The following SRGAP1 variants were observed in gnomAD, a reference collection of about 807,000 sequenced individuals.
SRGAP1 encodes SLIT-ROBO Rho GTPase-activating protein 1.
SRGAP1 carries 43 observed loss-of-function variants against 121.9 expected under a neutral mutation model. The observed-to-expected ratio is 0.35, with a 90% confidence interval of 0.28 to 0.46. The LOEUF (loss-of-function observed/expected upper bound fraction) is 0.46. SRGAP1 is among the 20% of genes least tolerant of loss of function. The probability of loss-of-function intolerance (pLI) is 1.00; values close to 1 mark genes in which losing one functional copy is unlikely to be tolerated. For missense variants in SRGAP1, 1,102 were observed against 1,350.9 expected (o/e 0.82, Z 2.89); for synonymous variants, 447 against 485.4 (o/e 0.92, Z 1.04).
At position 63,989,985 on chromosome 12, in the gene SRGAP1, C is replaced by T; in HGVS notation, c.339C>T (p.Asp113=). The change falls in exon 3 of 22, where the codon GAC becomes GAT. Residue 113 remains aspartate (D), a synonymous_variant. Transcript: ENST00000355086. Reference sequence around the variant, plus strand: ...ACCAAGTAAGGAGAGAAAGCAAAGACCATGCAACCTTGAGTGACATCTATC... The same window carrying T: ...ACCAAGTAAGGAGAGAAAGCAAAGATCATGCAACCTTGAGTGACATCTATC... The part of the protein sequence containing the change: ...LLNQVRRESK[D]HATLSDIYLN... 5.6e-6 allele frequency: 9 copies of T among 1,613,784 alleles called. No individual in the cohort carries two copies. The highest frequency in any genetic ancestry group is 1.3e-5 in the African/African-American group (1 of 75,016).
intron 4 of SRGAP1, among the ~76,000 whole-genome samples, chr12:64,025,675 C>T (rs2034638115): frequency 6.6e-6 from 1 of 152,114 alleles, no homozygotes; most frequent in South Asian, 2.1e-4. Flanking sequence ...TAAAAACACT[C>T]TATTTAGGGA....
At chr12:63,948,889 TATATATTCC>T (rs1397075116) in intron 1 of SRGAP1, among the ~76,000 whole-genome samples, 2 of 90,854 alleles carry the variant, frequency 2.2e-5, no homozygotes, top group Non-Finnish European at 4.8e-5. Flanking sequence ...TTTCCATATA[TATATATTCC>T]ATATATATAT....
At chr12:63,872,586 G>C (rs948951981) in intron 1 of SRGAP1, among the ~76,000 whole-genome samples, 1 of 152,148 alleles carries the variant, frequency 6.6e-6, no homozygotes. Flanking sequence ...ATTTGATTCT[G>C]GGTCACTGGT....
chr12:63,845,859 A>G (rs933686135), intron 1 of SRGAP1, among the ~76,000 whole-genome samples: 12 of 152,190 alleles, frequency 7.9e-5, no homozygotes, highest in African/African-American at 2.9e-4. Context: ...AAAGATTGCT[A>G]TGTATACACC....
At chr12:63,907,472 A>G (rs978673692) in intron 1 of SRGAP1, among the ~76,000 whole-genome samples, 3 of 152,080 alleles carry the variant, frequency 2.0e-5, no homozygotes, top group African/African-American at 7.2e-5. Flanking sequence ...TGGGAGGTGG[A>G]GGTTGCAGTG....
chr12:63,969,710 C>T (rs769313078), intron 1 of SRGAP1, among the ~76,000 whole-genome samples: 1 of 151,664 alleles, frequency 6.6e-6, no homozygotes, highest in African/African-American at 2.4e-5. Context: ...AGGAGAATGG[C>T]GTGAACCCGG....
chr12:64,002,276 A>C (rs2033924958), intron 3 of SRGAP1, among the ~76,000 whole-genome samples: 1 of 152,218 alleles, frequency 6.6e-6, no homozygotes, highest in South Asian at 2.1e-4. Context: ...AGTGACACCA[A>C]CAGAGGCCTA....
At chr12:64,018,866 A>T (rs2034474661) in intron 4 of SRGAP1, among the ~76,000 whole-genome samples, 1 of 152,172 alleles carries the variant, frequency 6.6e-6, no homozygotes, top group African/African-American at 2.4e-5. Flanking sequence ...AAGCCCAGTA[A>T]TTTAAAAGTT....
intron 2 of SRGAP1, among the ~76,000 whole-genome samples, chr12:63,989,498 C>T (rs547620863): frequency 5.3e-5 from 8 of 152,186 alleles, no homozygotes; most frequent in African/African-American, 1.9e-4. Flanking sequence ...ACTGAACATT[C>T]AAAGCAGACT....
At chr12:64,047,267 A>G (rs1313034027) in intron 6 of SRGAP1, among the ~76,000 whole-genome samples, 1 of 152,228 alleles carries the variant, frequency 6.6e-6, no homozygotes, top group African/African-American at 2.4e-5. Context: ...TAAGGCAATT[A>G]GAGTGTGAAT....
chr12:63,913,480 T>TATATATATATATATATATATGG (rs1439123798), intron 1 of SRGAP1, among the ~76,000 whole-genome samples: 112 of 108,548 alleles, frequency 1.0e-3, no homozygotes, highest in East Asian at 2.7e-3. Context: ...TATATATGGA[T>TATATATATATATATATATATGG]ATATATATAT....
In SRGAP1 at chr12:64,152,121, A is replaced by G. The variant is rs2037125404; in HGVS notation, c.*9449A>G. 1 of 152,216 alleles carries G rather than the reference A, an allele frequency of 6.6e-6. No homozygotes were observed. Among genetic ancestry groups the G allele is most frequent in the Admixed American group, 6.5e-5 (1 of 15,278 alleles). The allele number at this position is 152,216 out of a possible 1,614,324, so 9.4% of individuals were successfully genotyped here. ...CATTGAAAATGTACCATGTACTGAC[A>G]TCGTTTTCCTCAACACGTTGCATGT... On this transcript the variant is annotated 3_prime_UTR_variant, in exon 22 of 22. Coordinates refer to ENST00000355086, the MANE Select transcript of SRGAP1 (RefSeq NM_020762.4).
chr12:63,958,445 C>CT (rs1223919674), intron 1 of SRGAP1, among the ~76,000 whole-genome samples: 1 of 152,176 alleles, frequency 6.6e-6, no homozygotes, highest in Non-Finnish European at 1.5e-5. Context: ...AAATTGTCTA[C>CT]TAGGTGTTGC....
intron 1 of SRGAP1, among the ~76,000 whole-genome samples, chr12:63,974,056 G>A (rs2033029839): frequency 6.6e-6 from 1 of 152,128 alleles, no homozygotes; most frequent in Admixed American, 6.5e-5. Flanking sequence ...GGTCTGAAAT[G>A]TCCTTGCTTA....
intron 1 of SRGAP1, among the ~76,000 whole-genome samples, chr12:63,857,337 C>G (rs915338324): frequency 1.5e-4 from 23 of 151,650 alleles, no homozygotes; most frequent in African/African-American, 5.3e-4. Context: ...CCTTGGCCTC[C>G]CAAAGTGCTG....
intron 21 of SRGAP1, among the ~76,000 whole-genome samples, chr12:64,134,148 G>A (rs916171753): frequency 6.6e-6 from 1 of 152,050 alleles, no homozygotes; most frequent in Non-Finnish European, 1.5e-5. Context: ...CTGGCCAAGT[G>A]CGGTGGCTCA....
intron 1 of SRGAP1, among the ~76,000 whole-genome samples, chr12:63,940,022 C>T (rs1225014163): frequency 6.6e-6 from 1 of 151,686 alleles, no homozygotes; most frequent in Non-Finnish European, 1.5e-5. Flanking sequence ...AATGCAGTGG[C>T]GCAATCTCGG....
chr12:63,918,708 C>T (rs186541742), intron 1 of SRGAP1, among the ~76,000 whole-genome samples: 446 of 152,280 alleles, frequency 2.9e-3, no homozygotes, highest in African/African-American at 0.01. Flanking sequence ...TGAGCCGTTG[C>T]ACCAGCCAGT....
chr12:64,095,759 G>A (rs756821192), intron 14 of SRGAP1, among the ~76,000 whole-genome samples: 15 of 151,934 alleles, frequency 9.9e-5, no homozygotes, highest in Non-Finnish European at 1.3e-4. Context: ...TTATGGGTAC[G>A]TAATAGTGTT....
Sources: allele counts gnomAD v4.1 joint callset (sites outside exome capture counted in the v4.1 genomes callset), GRCh38; gene constraint gnomAD v4.1.1; transcripts MANE v1.5; gene names NCBI Gene and HGNC (gene_info 2026-07-23, HGNC 2026-07-21).